OCA2: variants seen among roughly 807,000 people sequenced by gnomAD.
OCA2 encodes OCA2 melanosomal transmembrane protein.
A neutral mutation model predicts 100.2 loss-of-function variants in OCA2; 77 were observed. That is an observed-to-expected ratio of 0.77 (90% CI 0.64 to 0.93). The LOEUF (loss-of-function observed/expected upper bound fraction) is 0.93. OCA2 is among the 40% of genes least tolerant of loss of function. The pLI is 0.00. For missense variants in OCA2, 1,062 were observed against 1,089.1 expected (o/e 0.98, Z 0.35); for synonymous variants, 432 against 439.2 (o/e 0.98, Z 0.21).
At chr15:27,823,151 C>A (rs1056666497) in intron 23 of OCA2, among the ~76,000 whole-genome samples, 3 of 152,174 alleles carry the variant, frequency 2.0e-5, no homozygotes, top group Non-Finnish European at 4.4e-5. Flanking sequence ...TGTCATAAAT[C>A]GGAGAGCCTT....
At chr15:28,094,887 G>A (rs1015440267) in intron 1 of OCA2, among the ~76,000 whole-genome samples, 5 of 152,252 alleles carry the variant, frequency 3.3e-5, no homozygotes, top group African/African-American at 1.2e-4. Flanking sequence ...CGGCACCGGT[G>A]CCAGGACCGA....
At chr15:27,921,266 T>G (rs2038848480) in intron 19 of OCA2, among the ~76,000 whole-genome samples, 1 of 151,872 alleles carries the variant, frequency 6.6e-6, no homozygotes, top group Non-Finnish European at 1.5e-5. Context: ...TAATTTCTCA[T>G]AAGAAGCAAT....
At chr15:27,935,328 C>G (rs548293287) in intron 18 of OCA2, among the ~76,000 whole-genome samples, 1 of 152,190 alleles carries the variant, frequency 6.6e-6, no homozygotes, top group Non-Finnish European at 1.5e-5. Flanking sequence ...TGCCATTTCT[C>G]AACTCAAAAA....
chr15:28,098,855 C>T (rs1018042264), intron 1 of OCA2, among the ~76,000 whole-genome samples: 2 of 152,256 alleles, frequency 1.3e-5, no homozygotes, highest in African/African-American at 4.8e-5. Context: ...CGCCTGACCA[C>T]GGCTCATGGC....
rs116103001 is a variant in OCA2 at position 27,934,180 on chromosome 15, T to C, written c.1952-7926A>G. On this transcript the variant is annotated intron_variant, in intron 18 of 23. Transcript: ENST00000354638. The stretch of plus-strand genomic sequence containing the variant: ...AACAGCAACATTTTAAAAAGGAAGA[T>C]GGGGTTGGGAAGGACATTGTCATTT... Among the ~76,000 whole-genome samples, 976 of 144,252 alleles carry C rather than the reference T, an allele frequency of 6.8e-3. 10 individuals are homozygous for C. Among genetic ancestry groups the C allele is most frequent in the African/African-American group, 0.02 (807 of 41,010 alleles). The allele number at this position is 144,252 out of a possible 152,430, so 94.6% of individuals were successfully genotyped here. A position where few individuals can be genotyped will look rare whatever the true frequency, so the allele number is the denominator to read the frequency against.
At chr15:27,806,835 G>T (rs1166229759) in intron 23 of OCA2, among the ~76,000 whole-genome samples, 2 of 152,244 alleles carry the variant, frequency 1.3e-5, no homozygotes, top group Non-Finnish European at 2.9e-5. Context: ...TGGCAAGGGA[G>T]GCCCAGGTGG....
At position 28,027,249 on chromosome 15, in the gene OCA2, C is replaced by A. The variant is rs143410999; in HGVS notation, c.515+622G>T. Among the ~76,000 whole-genome samples, 94 of 152,336 alleles carry A rather than the reference C, an allele frequency of 6.2e-4. 1 individual carries two copies. The East Asian group carries it at 0.018, about 29-fold the overall frequency. On this transcript the variant is annotated intron_variant, in intron 4 of 23. Transcript: ENST00000354638. ...CGCATGCGTACTCCCACTCCCACGC[C>A]CGCCGTCCCCCTACGCATGCGCATC...
chr15:27,819,173 A>G (rs1277389356), intron 23 of OCA2, among the ~76,000 whole-genome samples: 1 of 152,246 alleles, frequency 6.6e-6, no homozygotes, highest in African/African-American at 2.4e-5. Context: ...GTGAGGACCA[A>G]CTAAGGAACA....
At chr15:27,978,673 G>T (rs12439609) in intron 14 of OCA2, among the ~76,000 whole-genome samples, 105,101 of 151,200 alleles carry the variant, frequency 0.7, 37,697 homozygotes, top group East Asian at 0.99. Context: ...TATATATATA[G>T]AGAGAGAGAG....
At chr15:27,906,615 A>T (rs1000389216) in intron 19 of OCA2, among the ~76,000 whole-genome samples, 8 of 152,130 alleles carry the variant, frequency 5.3e-5, no homozygotes, top group African/African-American at 1.9e-4. Flanking sequence ...AAACTATAAG[A>T]TTTCAAGGAA....
At chr15:27,812,693 T>C (rs1172267968) in intron 23 of OCA2, among the ~76,000 whole-genome samples, 2 of 152,148 alleles carry the variant, frequency 1.3e-5, no homozygotes, top group Non-Finnish European at 2.9e-5. Flanking sequence ...AATATCCAAT[T>C]GCAAAAGGAA....
chr15:28,082,026 C>T, intron 1 of OCA2, 131 bp from the exon 2 acceptor site: 1 of 743,590 alleles, frequency 1.3e-6, no homozygotes, highest in East Asian at 2.7e-5. Flanking sequence ...CCTAACCACG[C>T]AAGAGCATTT....
intron 19 of OCA2, among the ~76,000 whole-genome samples, chr15:27,907,922 A>C (rs1322732521): frequency 6.6e-6 from 1 of 152,188 alleles, no homozygotes; most frequent in African/African-American, 2.4e-5. Context: ...GGGGAATTGT[A>C]TCAAGCCCTC....
chr15:27,934,146 T>A (rs2039365018), intron 18 of OCA2, among the ~76,000 whole-genome samples: 1 of 152,150 alleles, frequency 6.6e-6, no homozygotes, highest in African/African-American at 2.4e-5. Context: ...ATATTATTTT[T>A]CTTACTACAA....
intron 23 of OCA2, among the ~76,000 whole-genome samples, chr15:27,836,297 C>T (rs897926665): frequency 7.2e-5 from 11 of 152,170 alleles, no homozygotes; most frequent in South Asian, 2.1e-4. Flanking sequence ...CCTTCAGACA[C>T]GGAGGATCAG....
intron 3 of OCA2, among the ~76,000 whole-genome samples, chr15:28,029,460 T>C (rs988502477): frequency 6.6e-6 from 1 of 152,166 alleles, no homozygotes; most frequent in Non-Finnish European, 1.5e-5. Flanking sequence ...GTTAATGTCA[T>C]TGCCTTCTAG....
chr15:27,809,753 A>G (rs1201224551), intron 23 of OCA2, among the ~76,000 whole-genome samples: 3 of 152,200 alleles, frequency 2.0e-5, no homozygotes, highest in East Asian at 1.9e-4. Flanking sequence ...CAAGAACTCA[A>G]TCCCTTTTAC....
chr15:27,875,736 T>C (rs762525601), intron 19 of OCA2, among the ~76,000 whole-genome samples: 1 of 151,292 alleles, frequency 6.6e-6, no homozygotes. Flanking sequence ...TTGAGCATAC[T>C]TTTTTTTTAA....
intron 6 of OCA2, among the ~76,000 whole-genome samples, chr15:28,021,267 C>A (rs879588134): frequency 1.3e-5 from 2 of 152,160 alleles, no homozygotes; most frequent in Non-Finnish European, 2.9e-5. Flanking sequence ...TGACCATGTC[C>A]ATTCCAAAAT....
Sources: allele counts gnomAD v4.1 joint callset (sites outside exome capture counted in the v4.1 genomes callset), GRCh38; gene constraint gnomAD v4.1.1; transcripts MANE v1.5; gene names NCBI Gene and HGNC (gene_info 2026-07-23, HGNC 2026-07-21).